Variants in TBC1D14 observed in about 807,000 individuals in gnomAD.
TBC1D14 encodes TBC1 domain family member 14, also known as TBC1 domain family, member 14.
Under a neutral mutation model 79.0 loss-of-function variants are expected in TBC1D14, and 26 were observed. That is an observed-to-expected ratio of 0.33 (90% confidence interval 0.24 to 0.46). The LOEUF is 0.46. Among genes scored for constraint, TBC1D14 ranks in the 20% least tolerant of loss-of-function variants. The pLI is 1.00. For synonymous variants in TBC1D14, 394 were observed against 349.9 expected, an observed-to-expected ratio of 1.13 and a Z score of -1.40; for missense variants, 769 against 887.6, an observed-to-expected ratio of 0.87 and a Z score of 1.70.
chr4:6,987,097 C>G, intron 3 of TBC1D14: 1 of 1,112,180 alleles, frequency 9.0e-7, no homozygotes, highest in Non-Finnish European at 1.1e-6. Context: ...CTTGTGCCCG[C>G]CCCTCGCCGC....
intron 12 of TBC1D14, among the ~76,000 whole-genome samples, chr4:7,021,228 G>T (rs934780149): frequency 6.6e-6 from 1 of 152,208 alleles, no homozygotes; most frequent in Admixed American, 6.5e-5. Flanking sequence ...CGTATCACGG[G>T]GGAAACAGAT....
chr4:6,946,384 G>A (rs1362877799), intron 2 of TBC1D14, among the ~76,000 whole-genome samples: 1 of 152,122 alleles, frequency 6.6e-6, no homozygotes, highest in African/African-American at 2.4e-5. Flanking sequence ...CCAGGCTGGA[G>A]TGCAATGGTG....
intron 3 of TBC1D14, among the ~76,000 whole-genome samples, chr4:6,968,207 C>T (rs1385106992): frequency 6.6e-6 from 1 of 152,138 alleles, no homozygotes; most frequent in African/African-American, 2.4e-5. Flanking sequence ...TGAGGCTCCA[C>T]TAAGCGCCAG....
intron 3 of TBC1D14, 96 bp downstream of exon 3, chr4:6,967,520 G>A (rs1213698786): frequency 6.7e-7 from 1 of 1,492,496 alleles, no homozygotes. Flanking sequence ...TCTGAAACTG[G>A]AAATCGCTTT....
chr4:6,963,184 G>T (rs924302178), intron 2 of TBC1D14, among the ~76,000 whole-genome samples: 1 of 152,252 alleles, frequency 6.6e-6, no homozygotes, highest in Non-Finnish European at 1.5e-5. Context: ...TTCCCATGTC[G>T]GGGGTGGGAC....
chr4:6,995,178 A>AT (rs1310822572), intron 4 of TBC1D14, among the ~76,000 whole-genome samples: 2 of 152,188 alleles, frequency 1.3e-5, no homozygotes, highest in East Asian at 3.9e-4. Context: ...CACGAATTGT[A>AT]TTTTTTTAAA....
At position 6,957,379 on chromosome 4, in the gene TBC1D14, A is replaced by G. The variant is rs562090060; in HGVS notation, c.723-9925A>G. The stretch of plus-strand genomic sequence containing the variant: ...GAACAGTGTGTGACTTAGAGTCAAC[A>G]TACATTTGAACAAGTAAATATTTAG... On this transcript the variant is annotated intron_variant, in intron 2 of 13. Coordinates refer to ENST00000409757, the MANE Select transcript of TBC1D14 (RefSeq NM_020773.3). Among the ~76,000 whole-genome samples the G allele has an allele frequency of 1.9e-4, 29 of 152,386 alleles. No individual in the cohort carries two copies. The South Asian group carries it at 6.0e-3, about 32-fold the overall frequency.
In TBC1D14 at chr4:6,946,314, GTTAT is replaced by G. The variant is rs139020793; in HGVS notation, c.723-20979_723-20976del. 4.1e-3 allele frequency among the ~76,000 whole-genome samples: 631 copies of G among 152,166 alleles called. 5 individuals carry two copies. The highest frequency in any genetic ancestry group is 0.014 in the African/African-American group (579 of 41,500). On this transcript the variant is annotated intron_variant, in intron 2 of 13. Coordinates refer to ENST00000409757, the MANE Select transcript of TBC1D14 (RefSeq NM_020773.3). Reference sequence around the variant, plus strand: ...ATATAATTAACAGACTGCTCTTAGTGTTATTTATTTATTTTACTTGTATTATTAT... The same window carrying G: ...ATATAATTAACAGACTGCTCTTAGTGTTATTTATTTTACTTGTATTATTAT...
intron 8 of TBC1D14, among the ~76,000 whole-genome samples, chr4:7,005,341 C>T (rs967844558): frequency 6.6e-6 from 1 of 152,138 alleles, no homozygotes; most frequent in African/African-American, 2.4e-5. Context: ...CGAGACCAGC[C>T]TGGTCAACAT....
intron 2 of TBC1D14, among the ~76,000 whole-genome samples, chr4:6,966,234 T>A (rs1715687921): frequency 6.6e-6 from 1 of 152,264 alleles, no homozygotes; most frequent in South Asian, 2.1e-4. Flanking sequence ...TTTGAGAACT[T>A]TCTTTCTAGT....
At chr4:6,942,382 T>G (rs1712996897) in intron 2 of TBC1D14, among the ~76,000 whole-genome samples, 1 of 152,200 alleles carries the variant, frequency 6.6e-6, no homozygotes, top group Non-Finnish European at 1.5e-5. Flanking sequence ...TTCTTTGTTG[T>G]GAATAGCTGT....
At chr4:7,018,573 C>T in intron 12 of TBC1D14, among the ~76,000 whole-genome samples, 1 of 152,242 alleles carries the variant, frequency 6.6e-6, no homozygotes, top group Non-Finnish European at 1.5e-5. Context: ...TGCGTCTGTG[C>T]CTGAGGGTCA....
At chr4:6,935,717 C>T (rs1712251785) in intron 2 of TBC1D14, among the ~76,000 whole-genome samples, 1 of 149,842 alleles carries the variant, frequency 6.7e-6, no homozygotes, top group Non-Finnish European at 1.5e-5. Flanking sequence ...GATCTCGGCT[C>T]AATGCAGTCT....
intron 3 of TBC1D14, among the ~76,000 whole-genome samples, chr4:6,971,659 C>T (rs913792810): frequency 2.0e-5 from 3 of 152,156 alleles, no homozygotes; most frequent in Non-Finnish European, 4.4e-5. Flanking sequence ...TGTCCAGTTG[C>T]GGTCCCCGGA....
chr4:6,918,747 G>C (rs149805007), intron 1 of TBC1D14, among the ~76,000 whole-genome samples: 135 of 152,304 alleles, frequency 8.9e-4, no homozygotes, highest in African/African-American at 3.2e-3. Context: ...CTGGAGTGTT[G>C]ATGATGTTTT....
chr4:6,977,255 C>G (rs1328366256), intron 3 of TBC1D14, among the ~76,000 whole-genome samples: 2 of 147,476 alleles, frequency 1.4e-5, no homozygotes, highest in East Asian at 4.0e-4. Flanking sequence ...CGAGTGCCTG[C>G]GATTGCAGGT....
At chr4:6,918,735 T>G (rs756126111) in intron 1 of TBC1D14, among the ~76,000 whole-genome samples, 29 of 152,338 alleles carry the variant, frequency 1.9e-4, no homozygotes, top group Middle Eastern at 3.4e-3. Flanking sequence ...TAGTTTGATC[T>G]GCTGGAGTGT....
chr4:6,939,960 C>A (rs535131397), intron 2 of TBC1D14, among the ~76,000 whole-genome samples: 1 of 152,340 alleles, frequency 6.6e-6, no homozygotes, highest in South Asian at 2.1e-4. Flanking sequence ...CGACCTACAC[C>A]AGGCTCCTTG....
chr4:6,912,956 C>A (rs1446001192), intron 1 of TBC1D14, among the ~76,000 whole-genome samples: 1 of 152,202 alleles, frequency 6.6e-6, no homozygotes, highest in African/African-American at 2.4e-5. Flanking sequence ...TTTTTCCCTC[C>A]TGTTGATTTT....
Sources: allele counts gnomAD v4.1 joint callset (sites outside exome capture counted in the v4.1 genomes callset), GRCh38; gene constraint gnomAD v4.1.1; transcripts MANE v1.5; gene names NCBI Gene and HGNC (gene_info 2026-07-23, HGNC 2026-07-21).